The following DCHS2 variants were observed in gnomAD, a reference collection of about 807,000 sequenced individuals.
The protein encoded by DCHS2 is dachsous cadherin-related 2.
In DCHS2, 142 loss-of-function variants were observed where a neutral mutation model predicts 182.4. That is an observed-to-expected ratio of 0.78 (90% confidence interval 0.68 to 0.89). The LOEUF (loss-of-function observed/expected upper bound fraction) is 0.89, where lower values mean the gene tolerates loss of function less well. Ranked by LOEUF, DCHS2 falls within the 40% of genes least tolerant of loss-of-function variation. DCHS2 has a pLI of 0.00. For synonymous variants in DCHS2, 1,740 were observed against 1,663.3 expected, an observed-to-expected ratio of 1.05 and a Z score of -1.12; for missense variants, 4,319 against 4,198.6, an observed-to-expected ratio of 1.03 and a Z score of -0.79.
chr4:154,402,948 A>T lies in DCHS2; in HGVS notation c.2053-25504T>A, dbSNP rs944422159. 1.1e-4 allele frequency among the ~76,000 whole-genome samples: 17 copies of T among 152,132 alleles called. No homozygotes were observed. The East Asian group carries it at 3.1e-3, about 28-fold the overall frequency. On this transcript the variant is annotated intron_variant, in intron 1 of 19. Transcript: ENST00000357232. ...ATCTGATTTTTGATACTATTTAACA[A>T]CTCAATTTTTAAAATTTCATTTACT...
At chr4:154,345,198 T>G (rs1729302889) in intron 3 of DCHS2, among the ~76,000 whole-genome samples, 1 of 152,206 alleles carries the variant, frequency 6.6e-6, no homozygotes, top group African/African-American at 2.4e-5. Context: ...TAATGCTAAG[T>G]TTTGATGACG....
intron 1 of DCHS2, among the ~76,000 whole-genome samples, chr4:154,420,954 C>T (rs1465529830): frequency 1.3e-5 from 2 of 152,146 alleles, no homozygotes; most frequent in East Asian, 3.9e-4. Context: ...TTACTAGTGC[C>T]TACTTGTAAC....
chr4:154,239,675 A>AT lies in DCHS2; in HGVS notation c.7360-374dup, dbSNP rs539159468. ...AGGTACCTATCACCACACCAGGCTA[A>AT]TTTTTGTATTTTTAGTAGAGATGGG... On this transcript the variant is annotated intron_variant, in intron 18 of 19. Coordinates refer to ENST00000357232, the MANE Select transcript of DCHS2 (RefSeq NM_001358235.2). 5.1e-3 allele frequency among the ~76,000 whole-genome samples: 775 copies of AT among 151,984 alleles called. 9 individuals carry two copies. The highest frequency in any genetic ancestry group is 0.018 in the African/African-American group (742 of 41,436).
chr4:154,491,545 C>T lies in DCHS2; in HGVS notation c.-190G>A. On this transcript the variant is annotated 5_prime_UTR_variant, in exon 1 of 20. The change creates a new upstream start codon in the 5' untranslated region. Coordinates refer to ENST00000357232, the MANE Select transcript of DCHS2 (RefSeq NM_001358235.2). Reference sequence around the variant, plus strand: ...GAAAGCGTCCTCTGCCTGCAGCTCACGCAGACAGGGAAGTAAGCTCTAGCT... The same window carrying T: ...GAAAGCGTCCTCTGCCTGCAGCTCATGCAGACAGGGAAGTAAGCTCTAGCT... 7.2e-7 allele frequency: 1 copy of T among 1,386,130 alleles called. No homozygotes were observed. The highest frequency in any genetic ancestry group is 9.3e-7 in the Non-Finnish European group (1 of 1,076,738). The allele number at this position is 1,386,130 out of a possible 1,614,324, so 85.9% of individuals were successfully genotyped here.
intron 3 of DCHS2, 55 bp from the exon 4 acceptor site, chr4:154,335,159 G>T: frequency 1.8e-6 from 2 of 1,134,220 alleles, no homozygotes; most frequent in South Asian, 1.2e-5. Context: ...AAATACTGAT[G>T]AGCAATAGTA....
chr4:154,347,067 G>A (rs2111398209), intron 3 of DCHS2, among the ~76,000 whole-genome samples: 1 of 151,460 alleles, frequency 6.6e-6, no homozygotes, highest in East Asian at 1.9e-4. Context: ...TAAAATACGA[G>A]TCTCCCTCCT....
chr4:154,235,797 T>C lies in DCHS2; in HGVS notation c.8855A>G (p.Asp2952Gly). 1 of 1,613,914 alleles carries C rather than the reference T, an allele frequency of 6.2e-7. No individual in the cohort carries two copies. The highest frequency in any genetic ancestry group is 2.2e-5 in the East Asian group (1 of 44,860). The change falls in exon 20 of 20, where the codon GAC (aspartate) becomes GGC (glycine). Residue 2952 changes from aspartate (D) to glycine (G), a missense_variant. By Grantham distance (94) the Asp-to-Gly change is moderately conservative. Transcript: ENST00000357232. ...AGCGATTATTTTCATTTCCAAGGTG[T>C]CTTCTTTGTTGAGTTGACTTTTTAT... The part of the protein sequence containing the change: ...PLIKSQLNKE[D>G]TLEMKIIAHS...
chr4:154,328,283 A>G, intron 6 of DCHS2, 91 bp from the exon 7 acceptor site: 1 of 798,698 alleles, frequency 1.3e-6, no homozygotes, highest in Non-Finnish European at 2.0e-6. Flanking sequence ...ACATTATACT[A>G]AACATTTTAA....
At chr4:154,355,580 T>C (rs1487363363) in intron 3 of DCHS2, 1 of 152,208 alleles carries the variant, frequency 6.6e-6, no homozygotes, top group African/African-American at 2.4e-5. Flanking sequence ...CTTTACTCTA[T>C]GGACTTACCC....
chr4:154,312,033 T>G (rs963297029), intron 10 of DCHS2, among the ~76,000 whole-genome samples: 12 of 152,026 alleles, frequency 7.9e-5, no homozygotes, highest in African/African-American at 2.7e-4. Flanking sequence ...AAAATTTATA[T>G]AGAGAGAGCC....
chr4:154,375,027 T>A (rs1160918964), intron 2 of DCHS2, among the ~76,000 whole-genome samples: 1 of 152,148 alleles, frequency 6.6e-6, no homozygotes, highest in Non-Finnish European at 1.5e-5. Context: ...GAATGTATGA[T>A]ACCATGACCT....
intron 1 of DCHS2, among the ~76,000 whole-genome samples, chr4:154,393,888 GTAA>G (rs1264408458): frequency 1.4e-4 from 22 of 152,116 alleles, no homozygotes; most frequent in Admixed American, 1.4e-3. Flanking sequence ...AAACCATCAA[GTAA>G]TAATATTTAT....
At chr4:154,384,440 G>C in intron 1 of DCHS2, 2 of 1,609,422 alleles carry the variant, frequency 1.2e-6, no homozygotes, top group Non-Finnish European at 8.5e-7. Context: ...GCTCAGTCTC[G>C]GGACTACCTC....
At chr4:154,385,211 A>G (rs1274998714) in intron 1 of DCHS2, among the ~76,000 whole-genome samples, 2 of 151,644 alleles carry the variant, frequency 1.3e-5, no homozygotes, top group Non-Finnish European at 2.9e-5. Flanking sequence ...GCTGAGAATG[A>G]TGGTTTCCAG....
At chr4:154,361,865 T>C (rs901365785) in intron 3 of DCHS2, among the ~76,000 whole-genome samples, 16 of 152,036 alleles carry the variant, frequency 1.1e-4, no homozygotes, top group Non-Finnish European at 2.2e-4. Context: ...GAGAAATCTT[T>C]TGTCTTCAGG....
rs191884958 is a variant in DCHS2 at position 154,249,800 on chromosome 4, C to T, written c.6941+5719G>A. On this transcript the variant is annotated intron_variant, in intron 16 of 19. Coordinates refer to ENST00000357232, the MANE Select transcript of DCHS2 (RefSeq NM_001358235.2). ...AACAAATTAACACATAAACAAAAAA[C>T]CAAAATAGCTCATGTTCTCACTTAC... 2.1e-3 allele frequency among the ~76,000 whole-genome samples: 324 copies of T among 151,964 alleles called. 1 individual carries two copies. The highest frequency in any genetic ancestry group is 0.01 in the Middle Eastern group (3 of 294).
intron 8 of DCHS2, among the ~76,000 whole-genome samples, chr4:154,321,684 A>G (rs1371773643): frequency 1.3e-5 from 2 of 152,230 alleles, no homozygotes; most frequent in Non-Finnish European, 2.9e-5. Flanking sequence ...CTTAACCCAC[A>G]TACCCTTAAG....
rs763225316 is a variant in DCHS2 at position 154,239,202 on chromosome 4, G to A, written c.7460C>T (p.Ser2487Phe). ...AGGATCAATGGAGAATTCCTTAGAA[G>A]AGGATAGAATTCTGTAAGAAATGTT... ...NENISYRILS[S>F]SKEFSIDPKN... Residue 2487 changes from serine (S) to phenylalanine (F), a missense_variant, in exon 19 of 20, where the codon TCT (serine) becomes TTT (phenylalanine). Coordinates refer to ENST00000357232, the MANE Select transcript of DCHS2 (RefSeq NM_001358235.2). 1 of 1,613,204 alleles carries A rather than the reference G, an allele frequency of 6.2e-7. No homozygotes were observed. Among genetic ancestry groups the A allele is most frequent in the East Asian group, 2.2e-5 (1 of 44,756 alleles).
At chr4:154,414,721 C>A (rs1421120799) in intron 1 of DCHS2, among the ~76,000 whole-genome samples, 2 of 151,930 alleles carry the variant, frequency 1.3e-5, no homozygotes. Context: ...GGGGATAGGC[C>A]TTTTCTTACA....
Sources: gnomAD v4.1 joint callset for allele counts (sites outside exome capture counted in the v4.1 genomes callset) on GRCh38, gnomAD v4.1.1 for gene constraint, MANE v1.5 for transcripts, NCBI Gene and HGNC (gene_info 2026-07-23, HGNC 2026-07-21) for gene names.